PLPP2: variants seen among roughly 807,000 people sequenced by gnomAD.
PLPP2 encodes phospholipid phosphatase 2.
PLPP2 carries 29 observed loss-of-function variants against 35.2 expected under a neutral mutation model. That is an observed-to-expected ratio of 0.82 (90% CI 0.61 to 1.12). The LOEUF is 1.12. PLPP2 is among the 50% of genes most tolerant of loss of function. The probability of loss-of-function intolerance (pLI) is 0.00; values close to 1 mark genes in which losing one functional copy is unlikely to be tolerated. For synonymous variants in PLPP2, 162 were observed against 167.0 expected, an observed-to-expected ratio of 0.97 and a Z score of 0.23; for missense variants, 353 against 375.2, an observed-to-expected ratio of 0.94 and a Z score of 0.49.
chr19:283,365 C>G (rs954129098), intron 3 of PLPP2: 1 of 155,160 alleles, frequency 6.4e-6, no homozygotes, highest in African/African-American at 2.4e-5. Context: ...ATCCTGGTCC[C>G]TCTCCCACTG....
intron 4 of PLPP2, among the ~76,000 whole-genome samples, 185 bp downstream of exon 4, chr19:282,567 T>C (rs555545310): frequency 5.4e-5 from 8 of 147,048 alleles, no homozygotes; most frequent in Non-Finnish European, 8.9e-5. Flanking sequence ...CCTGCACAGA[T>C]GGCAGCACTG....
intron 1 of PLPP2, among the ~76,000 whole-genome samples, chr19:288,993 C>T (rs1970327426): frequency 2.0e-5 from 3 of 152,222 alleles, no homozygotes; most frequent in Non-Finnish European, 4.4e-5. Context: ...CTTGCCCCTT[C>T]ATCGACCAGC....
At chr19:290,831 C>T (rs969039849) in intron 1 of PLPP2, 8 of 867,282 alleles carry the variant, frequency 9.2e-6, no homozygotes, top group East Asian at 3.5e-5. Flanking sequence ...GCACCGGGTG[C>T]CAGGACCGAG....
chr19:283,884 G>A (rs1970225931), intron 3 of PLPP2: 1 of 152,052 alleles, frequency 6.6e-6, no homozygotes, highest in East Asian at 1.9e-4. Context: ...ACTGACCACT[G>A]GGCTAAAAGA....
Position 287,902 on chromosome 19 carries a change from C to A in PLPP2, c.204+118G>T. 2.0e-6 allele frequency: 3 copies of A among 1,508,020 alleles called. No individual in the cohort carries two copies. Among genetic ancestry groups the A allele is most frequent in the Non-Finnish European group, 2.7e-6 (3 of 1,115,980 alleles). 93.4% of individuals were successfully genotyped at this position (1,508,020 alleles called of 1,614,324 possible). A position where few individuals can be genotyped will look rare whatever the true frequency, so the allele number is the denominator to read the frequency against. On this transcript the variant is annotated intron_variant, in intron 2 of 5. Transcript: ENST00000434325. The surrounding 1 kb of genome is among the most constrained non-coding windows in gnomAD (Gnocchi z 4.3). ...GTACCACTCAGGGCAAGGCTGTGTC[C>A]CCCGGCCCCACACAGACCTCCAGGG...
At chr19:288,456 CT>C (rs893356504) in intron 1 of PLPP2, 455 of 261,448 alleles carry the variant, frequency 1.7e-3, no homozygotes, top group East Asian at 3.8e-3. Context: ...CCCAAAATAT[CT>C]TTTTTTTTTA....
rs1262670666 is a variant in PLPP2, at chr19:287,081, A to T, written c.482+393T>A. The T allele has an allele frequency of 5.6e-6, 1 of 179,566 alleles. No homozygotes were observed. The highest frequency in any genetic ancestry group is 2.4e-5 in the African/African-American group (1 of 41,968). The allele number at this position is 179,566 out of a possible 1,614,324, so 11.1% of individuals were successfully genotyped here. A position where few individuals can be genotyped will look rare whatever the true frequency, so the allele number is the denominator to read the frequency against. ...TGAAAGTCCAAGAATGGAAAAAAAAAATATTCCATGCAAACAATAACAAAA... is the reference window on the plus strand; with the variant it reads ...TGAAAGTCCAAGAATGGAAAAAAAATATATTCCATGCAAACAATAACAAAA... On this transcript the variant is annotated intron_variant, in intron 3 of 5. Coordinates refer to ENST00000434325, the MANE Select transcript of PLPP2 (RefSeq NM_003712.4). The surrounding 1 kb of genome is among the most constrained non-coding windows in gnomAD (Gnocchi z 4.3).
Position 287,547 on chromosome 19 carries a change from G to T in PLPP2, c.409C>A (p.Arg137=), listed in dbSNP as rs762607131. 2.5e-6 allele frequency: 4 copies of T among 1,613,754 alleles called. No individual in the cohort carries two copies. Among genetic ancestry groups the T allele is most frequent in the Non-Finnish European group, 3.4e-6 (4 of 1,180,032 alleles). Residue 137 remains arginine (R), a synonymous_variant, in exon 3 of 6, where the codon CGG becomes AGG. Transcript: ENST00000434325. The surrounding 1 kb of genome is among the most constrained non-coding windows in gnomAD (Gnocchi z 4.3). ...FLAVCDPDWS[R]VNCSVYVQLE... is the part of the protein sequence containing the mutation. ...TGCACATAGACCGAGCAGTTGACCC[G>T]GCTCCAGTCGGGGTCGCAGACGGCT...
chr19:287,647 C>A lies in PLPP2; in HGVS notation c.309G>T (p.Leu103=). 6.2e-7 allele frequency: 1 copy of A among 1,613,970 alleles called. No individual in the cohort carries two copies. The highest frequency in any genetic ancestry group is 8.5e-7 in the Non-Finnish European group (1 of 1,180,036). ...AAVYKVLGTF[L]FGAAVSQSLT... is the part of the protein sequence containing the mutation. ...GAGACTGGCTCACGGCAGCCCCAAA[C>A]AGGAAGGTCCCCAGCACCTTGTATA... is the stretch of plus-strand genomic sequence containing the variant. The change falls in exon 3 of 6, where the codon CTG becomes CTT. Residue 103 remains leucine (L), a synonymous_variant. Coordinates refer to ENST00000434325, the MANE Select transcript of PLPP2 (RefSeq NM_003712.4). The surrounding 1 kb of genome is among the most constrained non-coding windows in gnomAD (Gnocchi z 4.3).
chr19:286,113 T>A (rs1343877435), intron 3 of PLPP2: 1 of 146,272 alleles, frequency 6.8e-6, no homozygotes, highest in Non-Finnish European at 1.5e-5. Flanking sequence ...GAGCCAAGAT[T>A]GCACCACCGC....
At chr19:290,662 A>C (rs974942365) in intron 1 of PLPP2, among the ~76,000 whole-genome samples, 5 of 152,092 alleles carry the variant, frequency 3.3e-5, no homozygotes, top group Non-Finnish European at 7.4e-5. Flanking sequence ...TGTGGCCCGC[A>C]AACCCGCCGG....
chr19:283,446 A>C (rs1457623679), intron 3 of PLPP2: 2 of 152,678 alleles, frequency 1.3e-5, no homozygotes, highest in African/African-American at 4.8e-5. Flanking sequence ...AGTATGGCTC[A>C]AGGGCTGGCC....
At chr19:285,947 G>C (rs1256329370) in intron 3 of PLPP2, 1 of 151,382 alleles carries the variant, frequency 6.6e-6, no homozygotes, top group Non-Finnish European at 1.5e-5. Flanking sequence ...CTCCAGCCTG[G>C]GTGACAGAAC....
chr19:290,056 C>T (rs1970354808), intron 1 of PLPP2, among the ~76,000 whole-genome samples: 1 of 152,208 alleles, frequency 6.6e-6, no homozygotes, highest in South Asian at 2.1e-4. Context: ...GTCCCCAAAA[C>T]AGACACCTTC....
chr19:288,094 G>A lies in PLPP2; in HGVS notation c.130C>T (p.Arg44Trp), dbSNP rs374449151. Residue 44 changes from arginine to tryptophan, a missense_variant, in exon 2 of 6, where the codon CGG becomes TGG. Coordinates refer to ENST00000434325, the MANE Select transcript of PLPP2 (RefSeq NM_003712.4). ...RGFYCGDDSI[R>W]YPYRPDTITH... ...ATGGTATCTGGACGGTAGGGGTACCGGATGGAGTCATCCCCGCAGTAAAAT... is the reference window on the plus strand; with the variant it reads ...ATGGTATCTGGACGGTAGGGGTACCAGATGGAGTCATCCCCGCAGTAAAAT... 128 of 1,613,322 alleles carry A rather than the reference G, an allele frequency of 7.9e-5. No homozygotes were observed. The highest frequency in any genetic ancestry group is 1.0e-4 in the Non-Finnish European group (121 of 1,179,776).
Position 282,496 on chromosome 19 carries a change from C to T in PLPP2, c.541-186G>A, listed in dbSNP as rs539092269. The stretch of plus-strand genomic sequence containing the variant: ...ACGTGTTAGCCTTGCGCCTGCCAGG[C>T]GCTCCCCCTCCCCCTGCACAGACGT... On this transcript the variant is annotated intron_variant, in intron 4 of 5. Transcript: ENST00000434325. Among the ~76,000 whole-genome samples, 28 of 134,172 alleles carry T rather than the reference C, an allele frequency of 2.1e-4. 2 individuals carry two copies. The highest frequency in any genetic ancestry group is 6.9e-4 in the African/African-American group (24 of 34,838). 88.0% of individuals were successfully genotyped at this position (134,172 alleles called of 152,430 possible).
At chr19:290,439 A>T (rs1449156167) in intron 1 of PLPP2, among the ~76,000 whole-genome samples, 12 of 152,218 alleles carry the variant, frequency 7.9e-5, no homozygotes, top group Non-Finnish European at 1.2e-4. Flanking sequence ...TCTTGCTGTC[A>T]CCTGGCCCAC....
At chr19:282,353 C>A (rs370586359) in intron 4 of PLPP2, 43 bp from the exon 5 acceptor site, 1 of 1,579,694 alleles carries the variant, frequency 6.3e-7, no homozygotes, top group Admixed American at 1.7e-5. Context: ...ACCTGCCAGG[C>A]GCTCCCCCTC....
rs1259976485 is a variant in PLPP2 at position 287,961 on chromosome 19, G to A, written c.204+59C>T. The A allele has an allele frequency of 1.1e-5, 16 of 1,515,304 alleles. No homozygotes were observed. Among genetic ancestry groups the A allele is most frequent in the Non-Finnish European group, 1.3e-5 (15 of 1,133,738 alleles). 93.9% of individuals were successfully genotyped at this position (1,515,304 alleles called of 1,614,324 possible). A position where few individuals can be genotyped will look rare whatever the true frequency, so the allele number is the denominator to read the frequency against. On this transcript the variant is annotated intron_variant, in intron 2 of 5. Transcript: ENST00000434325. This position sits in a 1 kb window ranked among gnomAD's most constrained non-coding sequence, Gnocchi z 4.3. The stretch of plus-strand genomic sequence containing the variant: ...TGCCACCCCCCCATCAGGCCCCCAG[G>A]GTAAAGCTGGCCCCACCCCATCCCC...
Sources: gnomAD v4.1 joint callset for allele counts (sites outside exome capture counted in the v4.1 genomes callset) on GRCh38, gnomAD v4.1.1 for gene constraint, Gnocchi (gnomAD v3.1) non-coding constraint, MANE v1.5 for transcripts, NCBI Gene and HGNC (gene_info 2026-07-23, HGNC 2026-07-21) for gene names.